The following NLRP4 variants were observed in gnomAD, a reference collection of about 807,000 sequenced individuals.
NLRP4 encodes NACHT, LRR and PYD domains-containing protein 4.
Under a neutral mutation model 84.7 loss-of-function variants are expected in NLRP4, and 44 were observed. That is an observed-to-expected ratio of 0.52 (90% confidence interval 0.41 to 0.67). The LOEUF (loss-of-function observed/expected upper bound fraction) is 0.67, where lower values mean the gene tolerates loss of function less well. Ranked by LOEUF, NLRP4 falls within the 30% of genes least tolerant of loss-of-function variation. NLRP4 has a pLI of 0.00. For missense variants in NLRP4, 1,260 were observed against 1,219.4 expected (o/e 1.03, Z -0.50); for synonymous variants, 544 against 476.4 (o/e 1.14, Z -1.85).
chr19:55,871,069 C>A, intron 7 of NLRP4, 72 bp downstream of exon 7: 2 of 1,347,682 alleles, frequency 1.5e-6, no homozygotes, highest in Non-Finnish European at 2.1e-6. Context: ...AATGGGGCAT[C>A]TGGAATTGAG....
intron 3 of NLRP4, 78 bp downstream of exon 3, chr19:55,859,327 T>C: frequency 8.7e-7 from 1 of 1,146,546 alleles, no homozygotes; most frequent in Non-Finnish European, 1.2e-6. Flanking sequence ...AGGGAGTGTT[T>C]AATATAGGAT....
rs201638239 is a variant in NLRP4 at position 55,840,028 on chromosome 19, TATG to T, written c.-66+3097_-66+3099del. ...TTCATTGTCAAATTCTGACTTAAAT[TATG>T]ATCAGAATATTCTGTGTAACTTATA... is the stretch of plus-strand genomic sequence containing the variant. On this transcript the variant is annotated intron_variant, in intron 1 of 9. Coordinates refer to ENST00000301295, the MANE Select transcript of NLRP4 (RefSeq NM_134444.5). Among the ~76,000 whole-genome samples the T allele has an allele frequency of 6.5e-3, 988 of 152,360 alleles. 13 individuals are homozygous for T. Among genetic ancestry groups the T allele is most frequent in the African/African-American group, 0.022 (903 of 41,594 alleles).
rs148970920 is a variant in NLRP4, at chr19:55,862,085, G to A, written c.2112G>A (p.Thr704=). ...TGAAATACCTGAGCTTCACCCTCACGAAACTCTCTCGTGATGACATCAGGT... is the reference window on the plus strand; with the variant it reads ...TGAAATACCTGAGCTTCACCCTCACAAAACTCTCTCGTGATGACATCAGGT... ...PDLKYLSFTL[T]KLSRDDIRSL... is the part of the protein sequence containing the mutation. Residue 704 remains threonine, a synonymous_variant, in exon 5 of 10, where the codon ACG becomes ACA. Transcript: ENST00000301295. 7.3e-5 allele frequency: 118 copies of A among 1,613,432 alleles called. No homozygotes were observed. In the African/African-American group the frequency reaches 1.0e-3, roughly 14 times the overall value.
intron 7 of NLRP4, among the ~76,000 whole-genome samples, 158 bp from the exon 8 acceptor site, chr19:55,876,838 A>G (rs1481668424): frequency 1.3e-5 from 2 of 152,100 alleles, no homozygotes; most frequent in Non-Finnish European, 2.9e-5. Flanking sequence ...TTAATTCTTC[A>G]ATAATTTCAA....
rs760818962 is a variant in NLRP4 at position 55,858,997 on chromosome 19, T to C, written c.1604T>C (p.Leu535Pro). ...ATAAAGCAGCAAATTCACCAGTGCC[T>C]GAAGAGCTTAGGGGAGCGTGGCAAT... ...QEIKQQIHQC[L>P]KSLGERGNPQ... The change falls in exon 3 of 10, where the codon CTG (leucine) becomes CCG (proline). Residue 535 changes from leucine to proline, a missense_variant. Coordinates refer to ENST00000301295, the MANE Select transcript of NLRP4 (RefSeq NM_134444.5). This position sits in a 1 kb window ranked among gnomAD's most constrained non-coding sequence, Gnocchi z 4.2. 2 of 1,614,204 alleles carry C rather than the reference T, an allele frequency of 1.2e-6. No individual in the cohort carries two copies. Among genetic ancestry groups the C allele is most frequent in the Non-Finnish European group, 1.7e-6 (2 of 1,180,024 alleles).
intron 1 of NLRP4, among the ~76,000 whole-genome samples, chr19:55,840,459 C>A (rs1001385245): frequency 1.2e-4 from 18 of 152,250 alleles, no homozygotes; most frequent in African/African-American, 3.4e-4. Context: ...TCTCAGCTCA[C>A]TGCAAGCTTT....
rs755703633 is a variant in NLRP4, at chr19:55,867,743, G to A, written c.2221G>A (p.Glu741Lys). The A allele has an allele frequency of 1.9e-6, 3 of 1,614,020 alleles. No individual in the cohort carries two copies. Among genetic ancestry groups the A allele is most frequent in the Non-Finnish European group, 2.5e-6 (3 of 1,179,998 alleles). ...VNCHLSPIDC[E>K]VLAGLLTNNK... ...TTGTCACCTCTCACCCATTGATTGT[G>A]AAGTCCTTGCTGGCCTTCTAACCAA... is the stretch of plus-strand genomic sequence containing the variant. The change falls in exon 6 of 10, where the codon GAA becomes AAA. Residue 741 changes from glutamate (E) to lysine (K), a missense_variant. Glu to Lys is a moderately conservative substitution (Grantham distance 56, BLOSUM62 1). Transcript: ENST00000301295.
intron 5 of NLRP4, among the ~76,000 whole-genome samples, chr19:55,863,989 A>C (rs1463704444): frequency 6.6e-6 from 1 of 152,198 alleles, no homozygotes; most frequent in Non-Finnish European, 1.5e-5. Context: ...AAAAAGACCC[A>C]AACCCTTTTT....
Position 55,858,846 on chromosome 19 carries a change from G to C in NLRP4, c.1453G>C (p.Val485Leu), listed in dbSNP as rs748004284. Residue 485 changes from valine (V) to leucine (L), a missense_variant, in exon 3 of 10, where the codon GTT becomes CTT. Coordinates refer to ENST00000301295, the MANE Select transcript of NLRP4 (RefSeq NM_134444.5). The surrounding 1 kb of genome is among the most constrained non-coding windows in gnomAD (Gnocchi z 4.2). ...TGTGAGATGTGTACAGGAATTGCTAGTTGCCAATTTTGAAAAAGCAAGGAG... is the reference window on the plus strand; with the variant it reads ...TGTGAGATGTGTACAGGAATTGCTACTTGCCAATTTTGAAAAAGCAAGGAG... The part of the protein sequence containing the change: ...PAVRCVQELL[V>L]ANFEKARRAH... 6.2e-7 allele frequency: 1 copy of C among 1,614,088 alleles called. No individual in the cohort carries two copies. Among genetic ancestry groups the C allele is most frequent in the African/African-American group, 1.3e-5 (1 of 74,942 alleles).
intron 7 of NLRP4, among the ~76,000 whole-genome samples, chr19:55,873,470 G>A (rs7251381): frequency 0.18 from 27,065 of 151,936 alleles, 2,559 homozygotes; most frequent in East Asian, 0.23. Context: ...GTAATTAAAC[G>A]AACAGATTAA....
chr19:55,863,360 A>C (rs1185478633), intron 5 of NLRP4, among the ~76,000 whole-genome samples: 3 of 152,206 alleles, frequency 2.0e-5, no homozygotes, highest in African/African-American at 7.2e-5. Flanking sequence ...TAATTGGCTT[A>C]TGGTTCTGAA....
At chr19:55,846,263 A>G (rs1600220112) in intron 1 of NLRP4, among the ~76,000 whole-genome samples, 1 of 152,150 alleles carries the variant, frequency 6.6e-6, no homozygotes, top group African/African-American at 2.4e-5. Flanking sequence ...TCCCAGCACC[A>G]TTTATTAAAT....
chr19:55,857,143 C>T (rs947321218), intron 2 of NLRP4, among the ~76,000 whole-genome samples: 10 of 152,122 alleles, frequency 6.6e-5, no homozygotes, highest in Non-Finnish European at 1.2e-4. Flanking sequence ...AATTATTTAA[C>T]TGGTCTTGAT....
chr19:55,860,838 C>T (rs1037060744), intron 3 of NLRP4, among the ~76,000 whole-genome samples: 148 of 152,226 alleles, frequency 9.7e-4, no homozygotes, highest in African/African-American at 3.5e-3. Context: ...ATTAGCCAGG[C>T]ATGGTGGCAC....
Position 55,871,009 on chromosome 19 carries a change from G to A in NLRP4, c.2525+12G>A, listed in dbSNP as rs1328543851. 1 of 1,612,128 alleles carries A rather than the reference G, an allele frequency of 6.2e-7. No homozygotes were observed. The highest frequency in any genetic ancestry group is 8.5e-7 in the Non-Finnish European group (1 of 1,178,488). On this transcript the variant is annotated intron_variant, in intron 7 of 9. Coordinates refer to ENST00000301295, the MANE Select transcript of NLRP4 (RefSeq NM_134444.5). The stretch of plus-strand genomic sequence containing the variant: ...CTGGATTCACTGTGGTAGGCTTTTT[G>A]CTGTTTCTTTGAAGACCAAGCCGTC...
intron 8 of NLRP4, among the ~76,000 whole-genome samples, chr19:55,878,242 G>A (rs1432910865): frequency 6.6e-6 from 1 of 152,010 alleles, no homozygotes; most frequent in African/African-American, 2.4e-5. Context: ...ACTTCAGCCG[G>A]GATGACAGAA....
chr19:55,841,202 C>T (rs1983601532), intron 1 of NLRP4, among the ~76,000 whole-genome samples: 2 of 152,050 alleles, frequency 1.3e-5, no homozygotes, highest in Non-Finnish European at 2.9e-5. Context: ...CTTTAGTTAC[C>T]CTAATTTGTA....
intron 1 of NLRP4, among the ~76,000 whole-genome samples, chr19:55,847,428 CTT>C (rs1160070074): frequency 2.0e-5 from 3 of 152,094 alleles, no homozygotes; most frequent in South Asian, 2.1e-4. Context: ...AGAATGTTCT[CTT>C]GTGTGTAGGA....
intron 2 of NLRP4, among the ~76,000 whole-genome samples, chr19:55,856,716 A>T (rs561102872): frequency 6.6e-6 from 1 of 152,002 alleles, no homozygotes; most frequent in South Asian, 2.1e-4. Flanking sequence ...GGGTTTCACC[A>T]TGTTGGCCAG....
Sources: gnomAD v4.1 joint callset for allele counts (sites outside exome capture counted in the v4.1 genomes callset) on GRCh38, gnomAD v4.1.1 for gene constraint, Gnocchi (gnomAD v3.1) non-coding constraint, MANE v1.5 for transcripts, NCBI Gene and HGNC (gene_info 2026-07-23, HGNC 2026-07-21) for gene names.